Variants in FAM20C observed in about 807,000 individuals in gnomAD.
FAM20C encodes the protein FAM20C golgi associated secretory pathway kinase, also known as extracellular serine/threonine protein kinase FAM20C.
FAM20C carries 40 observed loss-of-function variants against 51.5 expected under a neutral mutation model. The ratio of observed to expected loss-of-function variants is 0.78; its 90% CI spans 0.60 to 1.01. The LOEUF is 1.01. FAM20C is among the 50% of genes least tolerant of loss of function. The probability of loss-of-function intolerance (pLI) is 0.00; values close to 1 mark genes in which losing one functional copy is unlikely to be tolerated. For missense variants in FAM20C, 861 were observed against 844.7 expected (o/e 1.02, Z -0.24); for synonymous variants, 406 against 380.6 (o/e 1.07, Z -0.78).
At chr7:205,286 C>G (rs1562366842) in intron 2 of FAM20C, among the ~76,000 whole-genome samples, 1 of 145,328 alleles carries the variant, frequency 6.9e-6, no homozygotes, top group Non-Finnish European at 1.5e-5. Flanking sequence ...GTAGCCGGGA[C>G]CACGGACACG....
chr7:195,247 C>T (rs557148223), intron 1 of FAM20C: 13 of 304,608 alleles, frequency 4.3e-5, no homozygotes, highest in South Asian at 2.7e-4. Context: ...CTGGGACAGA[C>T]GTGGCGGGGA....
intron 5 of FAM20C, among the ~76,000 whole-genome samples, chr7:251,519 CA>C (rs748298637): frequency 1.0e-3 from 139 of 136,968 alleles, no homozygotes; most frequent in Middle Eastern, 3.7e-3. Flanking sequence ...GACCCCGTCT[CA>C]AAAAAAAAAA....
chr7:209,555 TGTC>T (rs1786602444), intron 3 of FAM20C, among the ~76,000 whole-genome samples: 2 of 151,998 alleles, frequency 1.3e-5, no homozygotes, highest in South Asian at 4.2e-4. Flanking sequence ...ATAGAAACTG[TGTC>T]AGTCACCAAA....
chr7:230,770 A>G (rs28735429), intron 3 of FAM20C, among the ~76,000 whole-genome samples: 11 of 42,594 alleles, frequency 2.6e-4, no homozygotes, highest in Admixed American at 1.2e-3. Context: ...ATGAAGGGAA[A>G]ATTCCTGTGT....
intron 6 of FAM20C, 42 bp downstream of exon 6, chr7:256,071 G>T (rs1423303957): frequency 6.6e-7 from 1 of 1,526,198 alleles, no homozygotes; most frequent in Non-Finnish European, 8.8e-7. Flanking sequence ...CCACCCTACG[G>T]CAGAGGGAGC....
At chr7:230,107 G>A (rs1273621752) in intron 3 of FAM20C, among the ~76,000 whole-genome samples, 1 of 152,112 alleles carries the variant, frequency 6.6e-6, no homozygotes, top group Non-Finnish European at 1.5e-5. Context: ...GCGGTCTTTG[G>A]AGGTGTGGTT....
chr7:208,377 G>C (rs1159201006), intron 2 of FAM20C, among the ~76,000 whole-genome samples: 1 of 139,660 alleles, frequency 7.2e-6, no homozygotes, highest in Non-Finnish European at 1.6e-5. Flanking sequence ...GTGTAGGTGT[G>C]TATGGGTATG....
intron 9 of FAM20C, 90 bp from the exon 10 acceptor site, chr7:259,641 C>T: frequency 1.6e-6 from 2 of 1,273,846 alleles, no homozygotes; most frequent in Non-Finnish European, 2.0e-6. Flanking sequence ...TCCCCCCACT[C>T]TCTCGATCTC....
At chr7:256,823 G>A (rs992661306) in intron 7 of FAM20C, 60 bp downstream of exon 7, 18 of 1,460,864 alleles carry the variant, frequency 1.2e-5, no homozygotes, top group African/African-American at 4.2e-5. Flanking sequence ...GCGGATGCAC[G>A]CAGGGCTCTG....
At chr7:231,326 G>T (rs745920862) in intron 3 of FAM20C, among the ~76,000 whole-genome samples, 1 of 152,188 alleles carries the variant, frequency 6.6e-6, no homozygotes. Context: ...TTTGGTGGTG[G>T]TGAATGACAC....
At chr7:209,866 C>T (rs1313361124) in intron 3 of FAM20C, among the ~76,000 whole-genome samples, 1 of 152,250 alleles carries the variant, frequency 6.6e-6, no homozygotes, top group East Asian at 1.9e-4. Flanking sequence ...CAAGTTGTGG[C>T]TGGAGGCAGA....
chr7:205,642 C>T (rs191250347), intron 2 of FAM20C, among the ~76,000 whole-genome samples: 168 of 152,266 alleles, frequency 1.1e-3, no homozygotes, highest in African/African-American at 3.9e-3. Context: ...CGGAGCCCGT[C>T]GACGGTTTCT....
At chr7:259,488 CTT>C (rs1382279844) in intron 9 of FAM20C, among the ~76,000 whole-genome samples, 12 of 37,348 alleles carry the variant, frequency 3.2e-4, no homozygotes, top group African/African-American at 1.9e-3. Context: ...GCCTGTTTCT[CTT>C]TATCTGTGTC....
chr7:237,674 A>T (rs1194508198), intron 3 of FAM20C, among the ~76,000 whole-genome samples: 3 of 149,418 alleles, frequency 2.0e-5, no homozygotes, highest in Admixed American at 1.3e-4. Flanking sequence ...GGTGATAGTG[A>T]TGATAGCCAT....
At chr7:244,350 GC>G (rs1315360079) in intron 3 of FAM20C, among the ~76,000 whole-genome samples, 1 of 152,178 alleles carries the variant, frequency 6.6e-6, no homozygotes, top group Non-Finnish European at 1.5e-5. Context: ...AACAACGAAG[GC>G]TTTTTAACCT....
chr7:244,127 G>T (rs1214543812), intron 3 of FAM20C, among the ~76,000 whole-genome samples: 1 of 151,926 alleles, frequency 6.6e-6, no homozygotes, highest in Non-Finnish European at 1.5e-5. Flanking sequence ...TAGACCTGGG[G>T]TCTCACTATG....
intron 4 of FAM20C, among the ~76,000 whole-genome samples, chr7:247,878 C>T (rs1788232342): frequency 6.6e-6 from 1 of 152,262 alleles, no homozygotes; most frequent in African/African-American, 2.4e-5. Flanking sequence ...GTCACCTCGC[C>T]TCACAGGACA....
chr7:226,979 C>G (rs1057133537), intron 3 of FAM20C, among the ~76,000 whole-genome samples: 1 of 152,296 alleles, frequency 6.6e-6, no homozygotes. Flanking sequence ...GCCGTCCAAG[C>G]CCACACTGGC....
Position 259,725 on chromosome 7 carries a change from C to T in FAM20C, c.1506-6C>T. 1.3e-6 allele frequency: 2 copies of T among 1,531,084 alleles called. No individual in the cohort carries two copies. The highest frequency in any genetic ancestry group is 1.2e-5 in the South Asian group (1 of 83,508). 94.8% of individuals were successfully genotyped at this position (1,531,084 alleles called of 1,614,324 possible). A position where few individuals can be genotyped will look rare whatever the true frequency, so the allele number is the denominator to read the frequency against. ...GTGCCAGGCCTGATGCCCCTCTCCT[C>T]CCCAGGATCCGGAAGTCCACCTACC... On this transcript the variant is annotated splice_region_variant and splice_polypyrimidine_tract_variant and intron_variant, in intron 9 of 9. Coordinates refer to ENST00000313766, the MANE Select transcript of FAM20C (RefSeq NM_020223.4).
Sources: allele counts gnomAD v4.1 joint callset (sites outside exome capture counted in the v4.1 genomes callset), GRCh38; gene constraint gnomAD v4.1.1; transcripts MANE v1.5; gene names NCBI Gene and HGNC (gene_info 2026-07-23, HGNC 2026-07-21).